Variants in WASF1 observed in about 807,000 individuals in gnomAD.
WASF1 encodes the protein WASP family member 1.
Under a neutral mutation model 50.5 loss-of-function variants are expected in WASF1, and 7 were observed. That is an observed-to-expected ratio of 0.14 (90% CI 0.08 to 0.26). The LOEUF (loss-of-function observed/expected upper bound fraction) is 0.26, where lower values mean the gene tolerates loss of function less well. WASF1 is among the 10% of genes least tolerant of loss of function. The pLI, the probability that WASF1 is intolerant of heterozygous loss-of-function variation, is 1.00. For synonymous variants in WASF1, 205 were observed against 244.0 expected (o/e 0.84, Z 1.49); for missense variants, 470 against 694.7 (o/e 0.68, Z 3.64).
In WASF1 at chr6:110,172,650, A is replaced by C. The variant is rs1409644336; in HGVS notation, c.-127+5948T>G. Among the ~76,000 whole-genome samples, 4 of 152,214 alleles carry C rather than the reference A, an allele frequency of 2.6e-5. 1 individual carries two copies. On this transcript the variant is annotated intron_variant, in intron 2 of 10. Transcript: ENST00000392589. ...TTTGCAGCAACATGGATGGAACCAG[A>C]GGCCATTATCCTAAGTGAACTAACT...
chr6:110,147,117 G>A (rs556849366), intron 3 of WASF1, among the ~76,000 whole-genome samples: 277 of 152,212 alleles, frequency 1.8e-3, no homozygotes, highest in Middle Eastern at 3.4e-3. Context: ...GGAGGCCGAG[G>A]AGGGTGGATC....
chr6:110,175,806 C>T (rs1776904121), intron 2 of WASF1, among the ~76,000 whole-genome samples: 1 of 152,126 alleles, frequency 6.6e-6, no homozygotes, highest in African/African-American at 2.4e-5. Flanking sequence ...GTTGTCATGT[C>T]TAACACAAGA....
At chr6:110,146,952 G>C (rs1775592148) in intron 3 of WASF1, among the ~76,000 whole-genome samples, 1 of 152,052 alleles carries the variant, frequency 6.6e-6, no homozygotes, top group Non-Finnish European at 1.5e-5. Flanking sequence ...TCATCATGCT[G>C]AACATCTCCA....
chr6:110,109,723 T>G, intron 5 of WASF1, among the ~76,000 whole-genome samples: 1 of 151,760 alleles, frequency 6.6e-6, no homozygotes, highest in East Asian at 1.9e-4. Context: ...GACTAATTTT[T>G]TTTTTTTTTT....
chr6:110,148,251 C>T (rs528751589), intron 3 of WASF1, among the ~76,000 whole-genome samples: 56 of 152,012 alleles, frequency 3.7e-4, no homozygotes, highest in African/African-American at 1.4e-3. Flanking sequence ...ATTCATTCAT[C>T]TAACCAACCA....
In WASF1 at chr6:110,101,726, C is replaced by A. The variant is rs2114446213; in HGVS notation, c.1384G>T (p.Ala462Ser). ...PSGLHPTPSTAPGPHVPLMPP... is the reference protein window; with the variant it reads ...PSGLHPTPSTSPGPHVPLMPP... ...ATTAATGGAACATGGGGACCTGGGG[C>A]AGTAGATGGAGTTGGATGTAGCCCA... Residue 462 changes from alanine to serine, a missense_variant, in exon 10 of 11, where the codon GCC (alanine) becomes TCC (serine). Coordinates refer to ENST00000392589, the MANE Select transcript of WASF1 (RefSeq NM_003931.3). 3 of 1,613,978 alleles carry A rather than the reference C, an allele frequency of 1.9e-6. No homozygotes were observed. The highest frequency in any genetic ancestry group is 1.3e-5 in the African/African-American group (1 of 74,982).
At chr6:110,124,274 C>CTATATATATATA (rs35703116) in intron 4 of WASF1, among the ~76,000 whole-genome samples, 31 of 20,498 alleles carry the variant, frequency 1.5e-3, no homozygotes, top group East Asian at 5.3e-3. Context: ...CTCTCTCTCT[C>CTATATATATATA]TATATATATA....
intron 2 of WASF1, among the ~76,000 whole-genome samples, chr6:110,170,716 T>A (rs1173063571): frequency 1.3e-5 from 2 of 151,822 alleles, no homozygotes. Flanking sequence ...AAACCCACTT[T>A]AAATGTAGAA....
Position 110,100,396 on chromosome 6 carries a change from G to T in WASF1, c.*126C>A. On this transcript the variant is annotated 3_prime_UTR_variant, in exon 11 of 11. Transcript: ENST00000392589. ...TTTTCCTTAGAAATCAAAAGTTATG[G>T]AGGAAAAGGGTCATTTATTATAAGG... 2 of 874,354 alleles carry T rather than the reference G, an allele frequency of 2.3e-6. No individual in the cohort carries two copies. The highest frequency in any genetic ancestry group is 3.2e-6 in the Non-Finnish European group (2 of 617,416). 54.2% of individuals were successfully genotyped at this position (874,354 alleles called of 1,614,324 possible).
intron 3 of WASF1, among the ~76,000 whole-genome samples, chr6:110,139,066 A>G (rs1775099132): frequency 6.6e-6 from 1 of 152,166 alleles, no homozygotes; most frequent in Admixed American, 6.5e-5. Flanking sequence ...ATAGGCACCC[A>G]AAGTCTGGAG....
In WASF1 at chr6:110,108,507, AC is replaced by A. The variant is rs1306280627; in HGVS notation, c.422+20del. The A allele has an allele frequency of 4.4e-6, 7 of 1,585,084 alleles. No individual in the cohort carries two copies. The highest frequency in any genetic ancestry group is 5.2e-6 in the Non-Finnish European group (6 of 1,163,766). On this transcript the variant is annotated intron_variant, in intron 6 of 10. Coordinates refer to ENST00000392589, the MANE Select transcript of WASF1 (RefSeq NM_003931.3). ...GAAGTCTGAGATAAATAATAGGGCT[AC>A]TATTTATTAACCTACCTACCTATAA...
At chr6:110,112,442 A>G (rs1773598612) in intron 5 of WASF1, among the ~76,000 whole-genome samples, 1 of 152,150 alleles carries the variant, frequency 6.6e-6, no homozygotes, top group Non-Finnish European at 1.5e-5. Context: ...AGTTTCTACA[A>G]TTATTTTAGC....
At chr6:110,111,858 G>A (rs143223921) in intron 5 of WASF1, among the ~76,000 whole-genome samples, 12 of 152,006 alleles carry the variant, frequency 7.9e-5, no homozygotes, top group African/African-American at 2.4e-4. Flanking sequence ...TTGTGGTGAC[G>A]GTTGCATAAC....
intron 3 of WASF1, among the ~76,000 whole-genome samples, chr6:110,159,042 C>T (rs1271401272): frequency 1.3e-5 from 2 of 151,912 alleles, no homozygotes; most frequent in East Asian, 3.9e-4. Flanking sequence ...TACATCTTGT[C>T]TATTCAGTCA....
intron 4 of WASF1, among the ~76,000 whole-genome samples, chr6:110,122,499 T>C (rs530733770): frequency 1.1e-3 from 162 of 152,284 alleles, no homozygotes; most frequent in African/African-American, 3.7e-3. Context: ...TGCCCACCTC[T>C]ACTACTTCTA....
chr6:110,174,266 T>C (rs1776834595), intron 2 of WASF1, among the ~76,000 whole-genome samples: 1 of 152,160 alleles, frequency 6.6e-6, no homozygotes, highest in African/African-American at 2.4e-5. Flanking sequence ...CTTCTTTTCC[T>C]TTACAGCATT....
chr6:110,131,734 C>T (rs552425354), intron 3 of WASF1, among the ~76,000 whole-genome samples: 9 of 152,286 alleles, frequency 5.9e-5, no homozygotes, highest in African/African-American at 2.2e-4. Flanking sequence ...AACTCCTCAG[C>T]TCAGACAATT....
intron 10 of WASF1, among the ~76,000 whole-genome samples, chr6:110,101,322 T>G (rs1392423428): frequency 6.6e-6 from 1 of 152,202 alleles, no homozygotes; most frequent in Non-Finnish European, 1.5e-5. Context: ...CTATAACATT[T>G]AAGTCTGATA....
chr6:110,121,854 A>G (rs1339007463), intron 4 of WASF1, among the ~76,000 whole-genome samples: 1 of 152,234 alleles, frequency 6.6e-6, no homozygotes, highest in Non-Finnish European at 1.5e-5. Flanking sequence ...CTATGTAGCC[A>G]TAAAAAAGGA....
Sources: allele counts gnomAD v4.1 joint callset (sites outside exome capture counted in the v4.1 genomes callset), GRCh38; gene constraint gnomAD v4.1.1; transcripts MANE v1.5; gene names NCBI Gene and HGNC (gene_info 2026-07-23, HGNC 2026-07-21).